The following LRRK2 variants were observed in gnomAD, a reference collection of about 807,000 sequenced individuals.
LRRK2 encodes leucine-rich repeat serine/threonine-protein kinase 2.
Under a neutral mutation model 302.6 loss-of-function variants are expected in LRRK2, and 203 were observed. That is an observed-to-expected ratio of 0.67 (90% confidence interval 0.60 to 0.75). LRRK2 has a LOEUF of 0.75. LRRK2 is among the 30% of genes least tolerant of loss of function. LRRK2 has a pLI of 0.00. For synonymous variants in LRRK2, 1,066 were observed against 1,031.9 expected (o/e 1.03, Z -0.63); for missense variants, 2,830 against 2,951.0 (o/e 0.96, Z 0.95).
chr12:40,301,020 A>T (rs1032540600), intron 25 of LRRK2: 2 of 464,542 alleles, frequency 4.3e-6, no homozygotes, highest in East Asian at 1.4e-4. Context: ...CCTCTGCCCA[A>T]TTGAGGAAAT....
Position 40,340,407 on chromosome 12 carries a change from C to T in LRRK2, c.6062C>T (p.Ala2021Val). The change falls in exon 41 of 51, where the codon GCT becomes GTT. Residue 2021 changes from alanine (A) to valine (V), a missense_variant. Transcript: ENST00000298910. The part of the protein sequence containing the change: ...IIAKIADYGI[A>V]QYCCRMGIKT... ...GCAAAGATTGCTGACTACGGCATTG[C>T]TCAGTACTGCTGTAGAATGGGGATA... 1 of 1,613,818 alleles carries T rather than the reference C, an allele frequency of 6.2e-7. No homozygotes were observed. The highest frequency in any genetic ancestry group is 8.5e-7 in the Non-Finnish European group (1 of 1,179,838).
Position 40,287,366 on chromosome 12 carries a change from T to C in LRRK2, c.2516T>C (p.Leu839Pro). 3 of 1,612,088 alleles carry C rather than the reference T, an allele frequency of 1.9e-6. No homozygotes were observed. Among genetic ancestry groups the C allele is most frequent in the Non-Finnish European group, 2.5e-6 (3 of 1,178,678 alleles). ...TTATTTTCAGATATAGCATCTACAC[T>C]AGCAAGAATGGTGATCAGATATCAG... ...LRKQTNIAST[L>P]ARMVIRYQMK... is the part of the protein sequence containing the mutation. Residue 839 changes from leucine to proline, a missense_variant, in exon 20 of 51, where the codon CTA becomes CCA. By Grantham distance (98) the Leu-to-Pro change is moderately conservative. Coordinates refer to ENST00000298910, the MANE Select transcript of LRRK2 (RefSeq NM_198578.4).
Position 40,243,638 on chromosome 12 carries a change from A to G in LRRK2, c.795A>G (p.Arg265=). ...TGAAAGCATTCCCTATGAGTGAAAGAATTCAAGAAGTGAGTTGCTGTTTGC... is the reference window on the plus strand; with the variant it reads ...TGAAAGCATTCCCTATGAGTGAAAGGATTCAAGAAGTGAGTTGCTGTTTGC... ...EAMKAFPMSE[R]IQEVSCCLLH... The change falls in exon 7 of 51, where the codon AGA becomes AGG. Residue 265 remains arginine, a synonymous_variant. Coordinates refer to ENST00000298910, the MANE Select transcript of LRRK2 (RefSeq NM_198578.4). 1 of 1,612,202 alleles carries G rather than the reference A, an allele frequency of 6.2e-7. No individual in the cohort carries two copies. Among genetic ancestry groups the G allele is most frequent in the Non-Finnish European group, 8.5e-7 (1 of 1,178,758 alleles).
chr12:40,308,415 C>T, intron 28 of LRRK2, 52 bp from the exon 29 acceptor site: 1 of 1,411,604 alleles, frequency 7.1e-7, no homozygotes, highest in Non-Finnish European at 9.9e-7. Flanking sequence ...ACCTAAATCT[C>T]AAGTATACTT....
chr12:40,336,875 C>A (rs1383034237), intron 40 of LRRK2, among the ~76,000 whole-genome samples: 1 of 152,130 alleles, frequency 6.6e-6, no homozygotes, highest in Non-Finnish European at 1.5e-5. Flanking sequence ...TTCCCTAATT[C>A]TTCCACAAAT....
intron 31 of LRRK2, chr12:40,312,740 C>T (rs1210103960): frequency 6.6e-6 from 1 of 151,934 alleles, no homozygotes; most frequent in East Asian, 1.9e-4. Context: ...GGCCTTGAGA[C>T]GTAGTCCCGT....
chr12:40,262,339 A>C (rs1433799315), intron 13 of LRRK2, among the ~76,000 whole-genome samples: 1 of 152,090 alleles, frequency 6.6e-6, no homozygotes, highest in African/African-American at 2.4e-5. Flanking sequence ...TATTATTATT[A>C]TTATTTTGGT....
intron 41 of LRRK2, among the ~76,000 whole-genome samples, chr12:40,342,557 T>G (rs943055462): frequency 2.0e-5 from 3 of 151,824 alleles, no homozygotes; most frequent in Non-Finnish European, 4.4e-5. Context: ...CACTTCTGAT[T>G]ATCTCAGCCC....
chr12:40,257,143 T>C lies in LRRK2; in HGVS notation c.1289-105T>C, dbSNP rs1240497959. On this transcript the variant is annotated intron_variant, in intron 11 of 50. Coordinates refer to ENST00000298910, the MANE Select transcript of LRRK2 (RefSeq NM_198578.4). ...GAACTATAAATTATGTGTGCTCTTG[T>C]ATATGCTTTCCTGTAAATTTGGACT... 16 of 802,494 alleles carry C rather than the reference T, an allele frequency of 2.0e-5. No homozygotes were observed. In the East Asian group the frequency reaches 4.1e-4, roughly 20 times the overall value. 49.7% of individuals were successfully genotyped at this position (802,494 alleles called of 1,614,324 possible). A position where few individuals can be genotyped will look rare whatever the true frequency, so the allele number is the denominator to read the frequency against.
Position 40,275,008 on chromosome 12 carries a change from T to C in LRRK2, c.1941+15T>C, listed in dbSNP as rs747277323. The stretch of plus-strand genomic sequence containing the variant: ...TACAGACTAAAGTATGTGCATTATC[T>C]TGGAAAGAATTTGGGAACTTGTGCG... On this transcript the variant is annotated intron_variant, in intron 16 of 50. Coordinates refer to ENST00000298910, the MANE Select transcript of LRRK2 (RefSeq NM_198578.4). 3.3e-5 allele frequency: 54 copies of C among 1,613,566 alleles called. No homozygotes were observed. Among genetic ancestry groups the C allele is most frequent in the Admixed American group, 1.0e-4 (6 of 59,994 alleles).
intron 11 of LRRK2, among the ~76,000 whole-genome samples, chr12:40,255,171 A>G (rs1942446236): frequency 6.6e-6 from 1 of 152,190 alleles, no homozygotes; most frequent in Non-Finnish European, 1.5e-5. Context: ...CATGGAGTTT[A>G]AACTGTAGTA....
chr12:40,339,183 A>G (rs1945962045), intron 40 of LRRK2, among the ~76,000 whole-genome samples: 1 of 152,204 alleles, frequency 6.6e-6, no homozygotes, highest in African/African-American at 2.4e-5. Flanking sequence ...TGGAGTAACT[A>G]TTAATTGATA....
intron 28 of LRRK2, among the ~76,000 whole-genome samples, chr12:40,307,990 C>G (rs1250887854): frequency 6.6e-6 from 1 of 151,916 alleles, no homozygotes; most frequent in Non-Finnish European, 1.5e-5. Context: ...CTATATTGGC[C>G]AGGCTGGTCT....
rs1035513549 is a variant in LRRK2, at chr12:40,367,628, T to G, written c.7463-16T>G. 4 of 1,596,068 alleles carry G rather than the reference T, an allele frequency of 2.5e-6. No individual in the cohort carries two copies. The African/African-American group carries it at 5.4e-5, about 21-fold the overall frequency. ...ATGGATCTTTGAAACATGATTTCAT[T>G]TTTTTCTTTTTCTAGAGATACAATC... On this transcript the variant is annotated splice_polypyrimidine_tract_variant and intron_variant, in intron 50 of 50. Transcript: ENST00000298910.
At chr12:40,287,582 C>T in intron 20 of LRRK2, 43 bp downstream of exon 20, 1 of 1,580,670 alleles carries the variant, frequency 6.3e-7, no homozygotes, top group Non-Finnish European at 8.7e-7. Flanking sequence ...TATATTTACA[C>T]ACTGACATTG....
In LRRK2 at chr12:40,328,446, A is replaced by G; in HGVS notation, c.5743A>G (p.Arg1915Gly). ...GATTTTTAATAAACATACATCACTC[A>G]GGCTGTTAAGACAAGTAAGAAATTC... Reference protein sequence around the residue: ...VKIFNKHTSLRLLRQELVVLC... With the variant: ...VKIFNKHTSLGLLRQELVVLC... The change falls in exon 39 of 51, where the codon AGG becomes GGG. Residue 1915 changes from arginine (R) to glycine (G), a missense_variant. Physicochemically the swap from Arg to Gly is moderately radical, Grantham distance 125. Coordinates refer to ENST00000298910, the MANE Select transcript of LRRK2 (RefSeq NM_198578.4). 1 of 1,609,322 alleles carries G rather than the reference A, an allele frequency of 6.2e-7. No individual in the cohort carries two copies. Among genetic ancestry groups the G allele is most frequent in the Non-Finnish European group, 8.5e-7 (1 of 1,176,132 alleles).
chr12:40,282,188 TCTC>T lies in LRRK2; in HGVS notation c.2242-1684_2242-1682del, dbSNP rs1313806230. 2.1e-4 allele frequency among the ~76,000 whole-genome samples: 29 copies of T among 136,076 alleles called. 1 individual carries two copies. Among genetic ancestry groups the T allele is most frequent in the African/African-American group, 7.2e-4 (27 of 37,572 alleles). The allele number at this position is 136,076 out of a possible 152,430, so 89.3% of individuals were successfully genotyped here. ...TTCCCCTTCCTCTTCCCCTTCCCCT[TCTC>T]CTTCCTTCCTTCCTTCCTTCCTCTT... On this transcript the variant is annotated intron_variant, in intron 18 of 50. Coordinates refer to ENST00000298910, the MANE Select transcript of LRRK2 (RefSeq NM_198578.4).
chr12:40,282,981 A>G (rs890614737), intron 18 of LRRK2, among the ~76,000 whole-genome samples: 3 of 152,164 alleles, frequency 2.0e-5, no homozygotes, highest in Non-Finnish European at 2.9e-5. Context: ...GACAAATTAT[A>G]TATCTTTTCT....
chr12:40,328,303 T>A, intron 38 of LRRK2, 57 bp from the exon 39 acceptor site: 1 of 1,279,742 alleles, frequency 7.8e-7, no homozygotes, highest in Non-Finnish European at 1.1e-6. Context: ...TATAATTTAT[T>A]TAGTTTTTTT....
Sources: allele counts gnomAD v4.1 joint callset (sites outside exome capture counted in the v4.1 genomes callset), GRCh38; gene constraint gnomAD v4.1.1; transcripts MANE v1.5; gene names NCBI Gene and HGNC (gene_info 2026-07-23, HGNC 2026-07-21).